The following EYA1 variants were observed in gnomAD, a reference collection of about 807,000 sequenced individuals.
EYA1 encodes the protein EYA transcriptional coactivator and phosphatase 1, also known as protein phosphatase EYA1.
A neutral mutation model predicts 82.0 loss-of-function variants in EYA1; 16 were observed. That is an observed-to-expected ratio of 0.20 (90% confidence interval 0.13 to 0.30). The LOEUF (loss-of-function observed/expected upper bound fraction) is 0.30, where lower values mean the gene tolerates loss of function less well. Ranked by LOEUF, EYA1 falls within the 10% of genes least tolerant of loss-of-function variation. The pLI is 1.00. For synonymous variants in EYA1, 261 were observed against 264.4 expected, an observed-to-expected ratio of 0.99 and a Z score of 0.12; for missense variants, 633 against 730.7, an observed-to-expected ratio of 0.87 and a Z score of 1.54.
At chr8:71,436,476 A>G (rs1442487158) in intron 2 of EYA1, among the ~76,000 whole-genome samples, 1 of 152,154 alleles carries the variant, frequency 6.6e-6, no homozygotes, top group African/African-American at 2.4e-5. Context: ...GGCTGCACAC[A>G]ATAAAAGAAA....
chr8:71,472,314 A>T (rs1809268529), intron 2 of EYA1, among the ~76,000 whole-genome samples: 1 of 152,126 alleles, frequency 6.6e-6, no homozygotes, highest in African/African-American at 2.4e-5. Context: ...TGATGTTTCT[A>T]ACATATTTAA....
chr8:71,314,551 A>T (rs1744323540), intron 7 of EYA1, among the ~76,000 whole-genome samples: 1 of 152,180 alleles, frequency 6.6e-6, no homozygotes, highest in Non-Finnish European at 1.5e-5. Flanking sequence ...TATTTGCATT[A>T]TATACTGGTT....
chr8:71,289,160 G>A (rs1818734296), intron 9 of EYA1, among the ~76,000 whole-genome samples: 1 of 152,222 alleles, frequency 6.6e-6, no homozygotes, highest in Non-Finnish European at 1.5e-5. Flanking sequence ...TGGTAGAGAT[G>A]TGGCAAGTTG....
At chr8:71,468,980 T>A (rs1428152723) in intron 2 of EYA1, among the ~76,000 whole-genome samples, 1 of 152,128 alleles carries the variant, frequency 6.6e-6, no homozygotes, top group Non-Finnish European at 1.5e-5. Flanking sequence ...GCTACATAAA[T>A]GTTTCTTGCT....
chr8:71,309,714 C>T (rs1821123857), intron 7 of EYA1, among the ~76,000 whole-genome samples: 1 of 152,232 alleles, frequency 6.6e-6, no homozygotes, highest in South Asian at 2.1e-4. Flanking sequence ...TACAGAGAGG[C>T]AGATCAAAGG....
Position 71,546,365 on chromosome 8 carries a change from A to G in EYA1, c.-73+1499T>C, listed in dbSNP as rs558533877. On this transcript the variant is annotated intron_variant, in intron 1 of 18. Transcript: ENST00000643681. ...AATGAACAACTCAAAGGAGAGACCC[A>G]GGACATTGAAGGTGTTGGTGTCTCT... Among the ~76,000 whole-genome samples the G allele has an allele frequency of 4.6e-5, 7 of 152,338 alleles. 1 individual carries two copies. The highest frequency in any genetic ancestry group is 1.7e-4 in the African/African-American group (7 of 41,582).
chr8:71,364,629 G>T (rs752701837), upstream of EYA1, among the ~76,000 whole-genome samples: 3 of 151,816 alleles, frequency 2.0e-5, no homozygotes, highest in Non-Finnish European at 4.4e-5. Flanking sequence ...TTTCATATTT[G>T]CCATGTAAAT....
chr8:71,331,121 C>T (rs573753659), intron 4 of EYA1, among the ~76,000 whole-genome samples: 15 of 151,714 alleles, frequency 9.9e-5, no homozygotes, highest in Non-Finnish European at 2.1e-4. Context: ...CCCAGCTACT[C>T]GAGAGGCTCA....
Position 71,269,963 on chromosome 8 carries a change from T to G in EYA1, c.967-140A>C. ...TTTATTATTTCAAAAAAAACACAACTGTTTCAAAGAGTATCTCCTAACTTT... is the reference window on the plus strand; with the variant it reads ...TTTATTATTTCAAAAAAAACACAACGGTTTCAAAGAGTATCTCCTAACTTT... On this transcript the variant is annotated intron_variant, in intron 10 of 17. Coordinates refer to ENST00000340726, the MANE Select transcript of EYA1 (RefSeq NM_000503.6). 3 of 714,390 alleles carry G rather than the reference T, an allele frequency of 4.2e-6. No homozygotes were observed. In the Admixed American group the frequency reaches 6.2e-5, roughly 15 times the overall value. 44.3% of individuals were successfully genotyped at this position (714,390 alleles called of 1,614,324 possible).
upstream of EYA1, among the ~76,000 whole-genome samples, chr8:71,366,648 A>G (rs1188658036): frequency 1.3e-5 from 2 of 152,214 alleles, no homozygotes; most frequent in Non-Finnish European, 2.9e-5. Flanking sequence ...GAAAGAAGGG[A>G]ATTAGCATTT....
chr8:71,436,643 C>T (rs748217002), intron 2 of EYA1, among the ~76,000 whole-genome samples: 1 of 152,120 alleles, frequency 6.6e-6, no homozygotes, highest in Non-Finnish European at 1.5e-5. Flanking sequence ...ATGCATCCTC[C>T]AGATGAGTTC....
At chr8:71,295,833 C>T (rs1461180278) in intron 9 of EYA1, among the ~76,000 whole-genome samples, 1 of 151,992 alleles carries the variant, frequency 6.6e-6, no homozygotes, top group Non-Finnish European at 1.5e-5. Flanking sequence ...CTTCAATTGG[C>T]GGTGAGGGGT....
intron 9 of EYA1, among the ~76,000 whole-genome samples, chr8:71,283,270 C>T (rs1253705473): frequency 6.6e-6 from 1 of 152,102 alleles, no homozygotes; most frequent in Admixed American, 6.6e-5. Flanking sequence ...TAAGGTGGCT[C>T]TCTCCTCCCT....
At chr8:71,275,865 A>T (rs1317081371) in intron 9 of EYA1, among the ~76,000 whole-genome samples, 3 of 152,228 alleles carry the variant, frequency 2.0e-5, no homozygotes, top group African/African-American at 7.2e-5. Context: ...ATATTATTTG[A>T]CCCCTCTGCA....
At chr8:71,353,793 A>T (rs191993278) in intron 3 of EYA1, among the ~76,000 whole-genome samples, 3 of 152,294 alleles carry the variant, frequency 2.0e-5, no homozygotes. Context: ...CACCATAGTG[A>T]CTGGGAAATG....
chr8:71,435,243 T>A (rs1442592345), intron 2 of EYA1, among the ~76,000 whole-genome samples: 2 of 152,142 alleles, frequency 1.3e-5, no homozygotes, highest in East Asian at 3.9e-4. Flanking sequence ...TGGAATCTCT[T>A]ACATTGCAAT....
At chr8:71,312,901 A>C (rs917417871) in intron 7 of EYA1, among the ~76,000 whole-genome samples, 3 of 152,258 alleles carry the variant, frequency 2.0e-5, no homozygotes, top group Admixed American at 1.3e-4. Context: ...AGCACAGCTT[A>C]TCACATTCCC....
intron 12 of EYA1, among the ~76,000 whole-genome samples, chr8:71,238,297 G>A (rs564235784): frequency 7.2e-5 from 11 of 152,174 alleles, no homozygotes; most frequent in South Asian, 4.2e-4. Flanking sequence ...ACATTAGGCC[G>A]CATAATTCTT....
chr8:71,528,099 G>A (rs1434846883), intron 2 of EYA1, among the ~76,000 whole-genome samples: 1 of 151,994 alleles, frequency 6.6e-6, no homozygotes, highest in Non-Finnish European at 1.5e-5. Context: ...CAAGTTCATA[G>A]TTCTTTAAGC....
Sources: gnomAD v4.1 joint callset for allele counts (sites outside exome capture counted in the v4.1 genomes callset) on GRCh38, gnomAD v4.1.1 for gene constraint, MANE v1.5 for transcripts, NCBI Gene and HGNC (gene_info 2026-07-23, HGNC 2026-07-21) for gene names.